The following SPOCK3 variants were observed in gnomAD, a reference collection of about 807,000 sequenced individuals.
SPOCK3 encodes testican-3.
In SPOCK3, 30 loss-of-function variants were observed where a neutral mutation model predicts 56.6. That is an observed-to-expected ratio of 0.53 (90% confidence interval 0.40 to 0.72). The LOEUF (loss-of-function observed/expected upper bound fraction) is 0.72, where lower values mean the gene tolerates loss of function less well. Among genes scored for constraint, SPOCK3 ranks in the 30% least tolerant of loss-of-function variants. SPOCK3 has a pLI of 0.00. For missense variants in SPOCK3, 527 were observed against 530.0 expected (o/e 0.99, Z 0.06); for synonymous variants, 196 against 183.3 (o/e 1.07, Z -0.56).
intron 2 of SPOCK3, among the ~76,000 whole-genome samples, chr4:167,196,974 G>T (rs1733017186): frequency 6.6e-6 from 1 of 152,030 alleles, no homozygotes; most frequent in African/African-American, 2.4e-5. Flanking sequence ...GCTAATCATG[G>T]GAATGACCTT....
At chr4:166,971,640 C>T (rs1745396289) in intron 4 of SPOCK3, among the ~76,000 whole-genome samples, 1 of 152,036 alleles carries the variant, frequency 6.6e-6, no homozygotes, top group Admixed American at 6.6e-5. Flanking sequence ...AGATGTGAAT[C>T]TAAAAGAAGC....
chr4:166,995,390 G>A (rs901142751), intron 4 of SPOCK3, among the ~76,000 whole-genome samples: 22 of 151,970 alleles, frequency 1.4e-4, no homozygotes, highest in African/African-American at 5.1e-4. Flanking sequence ...ATTTGTAAAA[G>A]TAATTAATTT....
intron 4 of SPOCK3, among the ~76,000 whole-genome samples, chr4:166,927,229 TG>T (rs1739212104): frequency 1.3e-5 from 2 of 152,198 alleles, no homozygotes; most frequent in Non-Finnish European, 2.9e-5. Context: ...AATCTCCTCT[TG>T]AATTTTGGCT....
Position 166,800,183 on chromosome 4 carries a change from G to GAAAAAAAAAAAAAAAAAAAAAAAAA in SPOCK3, c.590-7895_590-7894insTTTTTTTTTTTTTTTTTTTTTTTTT, listed in dbSNP as rs367811359. The stretch of plus-strand genomic sequence containing the variant: ...GGCGACAGAGAGAGACTCCATCTCA[G>GAAAAAAAAAAAAAAAAAAAAAAAAA]AAAAAAAAAAAAAAAAAAAAAAATG... On this transcript the variant is annotated intron_variant, in intron 6 of 10. Transcript: ENST00000357545. Among the ~76,000 whole-genome samples the GAAAAAAAAAAAAAAAAAAAAAAAAA allele has an allele frequency of 1.7e-4, 9 of 51,786 alleles. 1 individual carries two copies. The highest frequency in any genetic ancestry group is 4.0e-4 in the African/African-American group (5 of 12,654). 34.0% of individuals were successfully genotyped at this position (51,786 alleles called of 152,430 possible).
chr4:167,160,692 G>A (rs1052282874), intron 2 of SPOCK3, among the ~76,000 whole-genome samples: 1 of 152,010 alleles, frequency 6.6e-6, no homozygotes, highest in African/African-American at 2.4e-5. Flanking sequence ...CCAAAGCAGA[G>A]ATATAGACCA....
rs181042089 is a variant in SPOCK3, at chr4:167,206,026, T to A, written c.189+27959A>T. On this transcript the variant is annotated intron_variant, in intron 2 of 10. Coordinates refer to ENST00000357545, the MANE Select transcript of SPOCK3 (RefSeq NM_001040159.2). ...TTTAGTTAATGTAACTACCTGTACA[T>A]TCCTATTACATTCCTATAATTTTAG... is the stretch of plus-strand genomic sequence containing the variant. 1.7e-3 allele frequency among the ~76,000 whole-genome samples: 258 copies of A among 150,994 alleles called. 1 individual carries two copies. The highest frequency in any genetic ancestry group is 6.1e-3 in the African/African-American group (245 of 40,402).
chr4:166,925,830 T>C (rs1161119590), intron 4 of SPOCK3, among the ~76,000 whole-genome samples: 1 of 152,292 alleles, frequency 6.6e-6, no homozygotes, highest in East Asian at 1.9e-4. Flanking sequence ...TTTCCCAATG[T>C]GCAAAGTGAA....
At chr4:167,168,014 T>A (rs1580497575) in intron 2 of SPOCK3, among the ~76,000 whole-genome samples, 1 of 151,742 alleles carries the variant, frequency 6.6e-6, no homozygotes, top group African/African-American at 2.4e-5. Context: ...TAAATGGGAG[T>A]TCCCCTGCAC....
At chr4:167,124,041 T>C (rs1762086461) in intron 2 of SPOCK3, among the ~76,000 whole-genome samples, 1 of 152,000 alleles carries the variant, frequency 6.6e-6, no homozygotes, top group Non-Finnish European at 1.5e-5. Flanking sequence ...CACCACGCCC[T>C]GCCCCAAAAA....
chr4:166,860,817 G>GTATATATATATATA (rs1307737257), intron 6 of SPOCK3, among the ~76,000 whole-genome samples: 4 of 31,166 alleles, frequency 1.3e-4, no homozygotes, highest in African/African-American at 4.5e-4. Flanking sequence ...ATATATATAT[G>GTATATATATATATA]TATATATATA....
At chr4:167,162,025 A>T (rs1580478749) in intron 2 of SPOCK3, among the ~76,000 whole-genome samples, 2 of 152,094 alleles carry the variant, frequency 1.3e-5, no homozygotes, top group South Asian at 4.2e-4. Context: ...ATGTACCCTA[A>T]AACTTAAAGT....
At chr4:167,205,366 TA>T (rs1156445758) in intron 2 of SPOCK3, among the ~76,000 whole-genome samples, 8 of 39,174 alleles carry the variant, frequency 2.0e-4, no homozygotes, top group East Asian at 1.2e-3. Context: ...ATATATTATA[TA>T]TTTTATATAT....
rs907435768 is a variant in SPOCK3, at chr4:166,871,307, T to C, written c.589+17823A>G. On this transcript the variant is annotated intron_variant, in intron 6 of 10. Coordinates refer to ENST00000357545, the MANE Select transcript of SPOCK3 (RefSeq NM_001040159.2). ...AAAAGATCAATAAAATTGAGAAGCATAGAGATGAATTAACCAAGAAATAAA... is the reference window on the plus strand; with the variant it reads ...AAAAGATCAATAAAATTGAGAAGCACAGAGATGAATTAACCAAGAAATAAA... Among the ~76,000 whole-genome samples the C allele has an allele frequency of 5.3e-5, 8 of 152,040 alleles. No individual in the cohort carries two copies. The East Asian group carries it at 7.7e-4, about 15-fold the overall frequency.
chr4:167,176,335 CA>C (rs1348456082), intron 2 of SPOCK3, among the ~76,000 whole-genome samples: 1 of 152,136 alleles, frequency 6.6e-6, no homozygotes, highest in Non-Finnish European at 1.5e-5. Flanking sequence ...CTACCTATCA[CA>C]GATATATTGA....
At chr4:167,130,759 C>A (rs890044066) in intron 2 of SPOCK3, among the ~76,000 whole-genome samples, 37 of 152,076 alleles carry the variant, frequency 2.4e-4, no homozygotes, top group African/African-American at 8.7e-4. Context: ...TTTTGTCTTA[C>A]AGTCAATCAG....
intron 3 of SPOCK3, among the ~76,000 whole-genome samples, chr4:167,003,839 C>G (rs1237988117): frequency 6.6e-6 from 1 of 152,194 alleles, no homozygotes; most frequent in Non-Finnish European, 1.5e-5. Context: ...TTTTAAACAA[C>G]TGCCATATAA....
intron 2 of SPOCK3, among the ~76,000 whole-genome samples, chr4:167,098,524 AT>A (rs1354263463): frequency 6.6e-6 from 1 of 152,068 alleles, no homozygotes; most frequent in Non-Finnish European, 1.5e-5. Context: ...ATTTTCAAAA[AT>A]AATGCCCCAC....
intron 2 of SPOCK3, among the ~76,000 whole-genome samples, chr4:167,194,354 G>A (rs1245578336): frequency 8.4e-6 from 1 of 118,822 alleles, no homozygotes; most frequent in African/African-American, 3.6e-5. Flanking sequence ...GCATTCTCTT[G>A]CATCTCATTG....
intron 2 of SPOCK3, among the ~76,000 whole-genome samples, chr4:167,145,025 C>A (rs899971630): frequency 2.0e-5 from 3 of 151,936 alleles, no homozygotes; most frequent in East Asian, 1.9e-4. Flanking sequence ...TGTAACACAG[C>A]AAATTGGGAG....
Sources: gnomAD v4.1 joint callset for allele counts (sites outside exome capture counted in the v4.1 genomes callset) on GRCh38, gnomAD v4.1.1 for gene constraint, MANE v1.5 for transcripts, NCBI Gene and HGNC (gene_info 2026-07-23, HGNC 2026-07-21) for gene names.